Variants in FHOD3 observed in about 807,000 individuals in gnomAD.
FHOD3 encodes formin homology 2 domain containing 3.
FHOD3 carries 90 observed loss-of-function variants against 173.0 expected under a neutral mutation model. The observed-to-expected ratio is 0.52, with a 90% CI of 0.44 to 0.62. The LOEUF (loss-of-function observed/expected upper bound fraction) is 0.62. Ranked by LOEUF, FHOD3 falls within the 20% of genes least tolerant of loss-of-function variation. The pLI, the probability that FHOD3 is intolerant of heterozygous loss-of-function variation, is 0.00. For missense variants in FHOD3, 1,945 were observed against 2,034.7 expected, an observed-to-expected ratio of 0.96 and a Z score of 0.85; for synonymous variants, 828 against 823.0, an observed-to-expected ratio of 1.01 and a Z score of -0.10.
chr18:36,500,848 T>G lies in FHOD3; in HGVS notation c.338-1084T>G, dbSNP rs374691425. Among the ~76,000 whole-genome samples the G allele has an allele frequency of 3.3e-5, 5 of 152,308 alleles. No individual in the cohort carries two copies. In the East Asian group the frequency reaches 7.7e-4, roughly 24 times the overall value. On this transcript the variant is annotated intron_variant, in intron 3 of 28. Transcript: ENST00000590592. Reference sequence around the variant, plus strand: ...GTTGGGTGATTCTATTGGAAAAGTCTGGCATCGGGTGCTAGGAATGCAACC... The same window carrying G: ...GTTGGGTGATTCTATTGGAAAAGTCGGGCATCGGGTGCTAGGAATGCAACC...
intron 2 of FHOD3, 58 bp downstream of exon 2, chr18:36,355,703 A>G (rs1356700037): frequency 3.6e-6 from 5 of 1,384,590 alleles, no homozygotes; most frequent in Non-Finnish European, 5.1e-6. Context: ...ATGGGGGTAC[A>G]TTGAGGCCTT....
intron 15 of FHOD3, among the ~76,000 whole-genome samples, chr18:36,686,646 A>C (rs2038638800): frequency 6.6e-6 from 1 of 152,120 alleles, no homozygotes; most frequent in African/African-American, 2.4e-5. Flanking sequence ...AATAAAAAAA[A>C]AAAAAAAATC....
chr18:36,646,827 C>G (rs1047623316), intron 10 of FHOD3, among the ~76,000 whole-genome samples: 1 of 152,092 alleles, frequency 6.6e-6, no homozygotes, highest in Non-Finnish European at 1.5e-5. Flanking sequence ...CAAAGGTAAA[C>G]AGGACATTAT....
intron 24 of FHOD3, among the ~76,000 whole-genome samples, chr18:36,753,510 G>T (rs897633784): frequency 6.6e-6 from 1 of 152,180 alleles, no homozygotes; most frequent in Non-Finnish European, 1.5e-5. Flanking sequence ...TGTGAATAAT[G>T]CTTCTATGAA....
At chr18:36,570,838 TAGC>T (rs1267801471) in intron 5 of FHOD3, among the ~76,000 whole-genome samples, 1 of 152,142 alleles carries the variant, frequency 6.6e-6, no homozygotes, top group Non-Finnish European at 1.5e-5. Flanking sequence ...AAAAAGCTCT[TAGC>T]AGACTAGAAA....
chr18:36,579,464 G>A (rs545737163), intron 6 of FHOD3, among the ~76,000 whole-genome samples: 5 of 152,336 alleles, frequency 3.3e-5, no homozygotes, highest in South Asian at 2.1e-4. Context: ...ATCACTGTGA[G>A]CAGGGAGAGA....
At chr18:36,524,578 C>T (rs1257478050) in intron 5 of FHOD3, among the ~76,000 whole-genome samples, 1 of 152,162 alleles carries the variant, frequency 6.6e-6, no homozygotes, top group East Asian at 1.9e-4. Flanking sequence ...GCAGCCCACC[C>T]TTGCTTTGCT....
intron 3 of FHOD3, among the ~76,000 whole-genome samples, chr18:36,490,882 T>C (rs961651449): frequency 7.9e-5 from 12 of 152,188 alleles, no homozygotes; most frequent in Non-Finnish European, 5.9e-5. Context: ...TCCTAAAAAT[T>C]ACTTGTACCC....
intron 3 of FHOD3, among the ~76,000 whole-genome samples, chr18:36,408,487 T>TG (rs1289994215): frequency 4.0e-5 from 6 of 151,638 alleles, no homozygotes; most frequent in African/African-American, 7.3e-5. Flanking sequence ...GTGAAGGGCA[T>TG]GGGGGGGTAC....
At chr18:36,362,594 T>A (rs1598842287) in intron 2 of FHOD3, among the ~76,000 whole-genome samples, 1 of 151,982 alleles carries the variant, frequency 6.6e-6, no homozygotes, top group African/African-American at 2.4e-5. Context: ...TGGAGGGAGC[T>A]ACAGAGTCTG....
At chr18:36,689,960 A>G (rs761368647) in intron 16 of FHOD3, among the ~76,000 whole-genome samples, 3 of 152,148 alleles carry the variant, frequency 2.0e-5, no homozygotes, top group Non-Finnish European at 4.4e-5. Flanking sequence ...AGAATTTCCA[A>G]ATAGAAGTGT....
At chr18:36,369,498 C>CACACACACATAT (rs1555682884) in intron 2 of FHOD3, among the ~76,000 whole-genome samples, 1 of 95,990 alleles carries the variant, frequency 1.0e-5, no homozygotes, top group Admixed American at 1.2e-4. Flanking sequence ...CACACACACA[C>CACACACACATAT]ATATATATAG....
chr18:36,727,724 G>A (rs749795400), intron 19 of FHOD3, among the ~76,000 whole-genome samples: 5 of 152,152 alleles, frequency 3.3e-5, no homozygotes, highest in Non-Finnish European at 7.3e-5. Context: ...CAGGCTCGGG[G>A]CCACCACGTA....
Position 36,681,442 on chromosome 18 carries a change from A to G in FHOD3, c.1842A>G (p.Ser614=). 1.2e-6 allele frequency: 2 copies of G among 1,613,808 alleles called. No homozygotes were observed. Among genetic ancestry groups the G allele is most frequent in the Non-Finnish European group, 1.7e-6 (2 of 1,179,830 alleles). ...PPQEARLERS[S]PSGLLTSSFR... ...TAACTCATTGTATCTCCAGGTCATC[A>G]CCGAGTGGTCTTCTCACATCATCCT... is the stretch of plus-strand genomic sequence containing the variant. The change falls in exon 15 of 29, where the codon TCA becomes TCG. Residue 614 remains serine, a synonymous_variant. Coordinates refer to ENST00000590592, the MANE Select transcript of FHOD3 (RefSeq NM_001281740.3).
chr18:36,562,025 T>TGTATTGTATG (rs2058103492), intron 5 of FHOD3, among the ~76,000 whole-genome samples: 2 of 143,186 alleles, frequency 1.4e-5, no homozygotes, highest in African/African-American at 5.2e-5. Flanking sequence ...TGTATTGTAT[T>TGTATTGTATG]GTATTTTTTG....
chr18:36,544,293 C>T (rs1037356044), intron 5 of FHOD3, among the ~76,000 whole-genome samples: 2 of 152,240 alleles, frequency 1.3e-5, no homozygotes, highest in Non-Finnish European at 2.9e-5. Flanking sequence ...CATGCAGGGC[C>T]ACACTTGGAC....
chr18:36,306,925 C>G (rs1337701816), intron 1 of FHOD3, among the ~76,000 whole-genome samples: 1 of 152,142 alleles, frequency 6.6e-6, no homozygotes, highest in Non-Finnish European at 1.5e-5. Context: ...TGACCAGTTG[C>G]CCTCCGGCCT....
At chr18:36,761,325 T>G (rs1386081326) in intron 27 of FHOD3, among the ~76,000 whole-genome samples, 1 of 151,938 alleles carries the variant, frequency 6.6e-6, no homozygotes, top group African/African-American at 2.4e-5. Flanking sequence ...CAGATTCGAG[T>G]TTCCAGATTT....
intron 3 of FHOD3, among the ~76,000 whole-genome samples, chr18:36,472,809 C>T (rs2053359294): frequency 6.6e-6 from 1 of 152,178 alleles, no homozygotes; most frequent in Non-Finnish European, 1.5e-5. Flanking sequence ...TCTATCCATT[C>T]ATCAGTTGAT....
Sources: allele counts gnomAD v4.1 joint callset (sites outside exome capture counted in the v4.1 genomes callset), GRCh38; gene constraint gnomAD v4.1.1; transcripts MANE v1.5; gene names NCBI Gene and HGNC (gene_info 2026-07-23, HGNC 2026-07-21).